Variants in OPCML observed in about 807,000 individuals in gnomAD.
The protein encoded by OPCML is opioid-binding protein/cell adhesion molecule.
OPCML carries 13 observed loss-of-function variants against 37.8 expected under a neutral mutation model. The ratio of observed to expected loss-of-function variants is 0.34; its 90% CI spans 0.22 to 0.55. The LOEUF (loss-of-function observed/expected upper bound fraction) is 0.55. Among genes scored for constraint, OPCML ranks in the 20% least tolerant of loss-of-function variants. The pLI, the probability that OPCML is intolerant of heterozygous loss-of-function variation, is 0.91. For synonymous variants in OPCML, 176 were observed against 168.8 expected (o/e 1.04, Z -0.33); for missense variants, 341 against 435.6 (o/e 0.78, Z 1.93).
At chr11:133,186,882 C>G (rs1187759521) in intron 1 of OPCML, among the ~76,000 whole-genome samples, 1 of 152,022 alleles carries the variant, frequency 6.6e-6, no homozygotes, top group East Asian at 1.9e-4. Flanking sequence ...AGTTAGAATT[C>G]TAAGGATGGT....
chr11:132,436,483 T>A, intron 6 of OPCML, 176 bp downstream of exon 6: 1 of 936,466 alleles, frequency 1.1e-6, no homozygotes, highest in Non-Finnish European at 1.3e-6. Context: ...TTTCTCCACT[T>A]CCCAGCCTCC....
At chr11:133,025,283 C>A (rs542276116) in intron 1 of OPCML, 1 of 964,390 alleles carries the variant, frequency 1.0e-6, no homozygotes, top group Non-Finnish European at 1.2e-6. Flanking sequence ...TGTATCTCCA[C>A]GTACTAGGAC....
At chr11:132,741,455 G>A (rs1036398323) in intron 2 of OPCML, among the ~76,000 whole-genome samples, 5 of 152,158 alleles carry the variant, frequency 3.3e-5, no homozygotes, top group South Asian at 2.1e-4. Flanking sequence ...GTCTGTGCTC[G>A]TGTCCATCAA....
At chr11:133,368,421 C>T (rs1944601127) in intron 1 of OPCML, among the ~76,000 whole-genome samples, 1 of 152,102 alleles carries the variant, frequency 6.6e-6, no homozygotes. Context: ...CCATTAAGGT[C>T]ACAGTGTACC....
At chr11:133,388,644 G>T (rs905985890) in intron 1 of OPCML, among the ~76,000 whole-genome samples, 33 of 152,348 alleles carry the variant, frequency 2.2e-4, no homozygotes, top group African/African-American at 7.5e-4. Context: ...CTTCTAGAGA[G>T]AGTATAATGA....
At chr11:132,908,776 C>T (rs1210818504) in intron 2 of OPCML, among the ~76,000 whole-genome samples, 1 of 152,256 alleles carries the variant, frequency 6.6e-6, no homozygotes, top group East Asian at 1.9e-4. Context: ...TGCACTTTCA[C>T]GTTAATAAGT....
Position 132,648,471 on chromosome 11 carries a change from T to C in OPCML, c.379+8616A>G, listed in dbSNP as rs139427866. On this transcript the variant is annotated intron_variant, in intron 3 of 7. Transcript: ENST00000524381. ...TACGACTGTTCCGTTTATTTAATTC[T>C]ATTGCAAATAAGGCAGATGACAGCC... 1.9e-3 allele frequency among the ~76,000 whole-genome samples: 293 copies of C among 152,110 alleles called. 4 individuals carry two copies. Among genetic ancestry groups the C allele is most frequent in the Admixed American group, 0.016 (241 of 15,292 alleles).
chr11:133,158,712 A>AAAAAAT (rs1555105905), intron 1 of OPCML, among the ~76,000 whole-genome samples: 25 of 134,256 alleles, frequency 1.9e-4, no homozygotes, highest in Middle Eastern at 3.6e-3. Context: ...ATAAAATTAA[A>AAAAAAT]AAAATAAAAT....
chr11:132,993,927 A>G (rs914968791), intron 1 of OPCML, among the ~76,000 whole-genome samples: 3 of 152,232 alleles, frequency 2.0e-5, no homozygotes, highest in South Asian at 2.1e-4. Context: ...CCCTCTAACG[A>G]GTTGAACACA....
At chr11:132,550,816 G>A (rs2096379904) in intron 3 of OPCML, among the ~76,000 whole-genome samples, 1 of 152,168 alleles carries the variant, frequency 6.6e-6, no homozygotes, top group Non-Finnish European at 1.5e-5. Flanking sequence ...TTGTGAACTG[G>A]GTGGATTATG....
intron 1 of OPCML, among the ~76,000 whole-genome samples, chr11:133,441,564 G>A (rs898552162): frequency 1.3e-5 from 2 of 152,092 alleles, no homozygotes; most frequent in African/African-American, 4.8e-5. Flanking sequence ...GGATTAGAGA[G>A]CTAAATATTT....
At chr11:132,885,375 T>C (rs1484471463) in intron 2 of OPCML, among the ~76,000 whole-genome samples, 1 of 152,184 alleles carries the variant, frequency 6.6e-6, no homozygotes, top group Non-Finnish European at 1.5e-5. Context: ...CTGAGTTAAT[T>C]TCTGCCCGTG....
At chr11:133,040,989 G>A (rs558148761) in intron 1 of OPCML, among the ~76,000 whole-genome samples, 19 of 152,174 alleles carry the variant, frequency 1.2e-4, no homozygotes, top group Non-Finnish European at 2.4e-4. Flanking sequence ...AAGCTTTATG[G>A]GGGCTCGGAC....
chr11:133,301,858 T>A (rs1372553531), intron 1 of OPCML: 1 of 152,146 alleles, frequency 6.6e-6, no homozygotes, highest in African/African-American at 2.4e-5. Context: ...GCCAATGACA[T>A]CTTCTGGATC....
At chr11:133,346,409 CA>C (rs1451692578) in intron 1 of OPCML, among the ~76,000 whole-genome samples, 11 of 152,142 alleles carry the variant, frequency 7.2e-5, no homozygotes. Context: ...TTTTTGCTTT[CA>C]AAAGCAGAAG....
rs1946944834 is a variant in OPCML, at chr11:132,999,180, A to AG, written c.62-56171dup. On this transcript the variant is annotated intron_variant, in intron 1 of 7. Coordinates refer to ENST00000524381, the MANE Select transcript of OPCML (RefSeq NM_001012393.5). The stretch of plus-strand genomic sequence containing the variant: ...GCAGGAGCTCTTCTCAGCTCATCAT[A>AG]GGGATGAGCTTTGCCTCTGGAGAAG... 2.0e-5 allele frequency among the ~76,000 whole-genome samples: 3 copies of AG among 152,250 alleles called. No homozygotes were observed. The East Asian group carries it at 5.8e-4, about 30-fold the overall frequency.
chr11:133,192,158 C>T (rs1009516202), intron 1 of OPCML, among the ~76,000 whole-genome samples: 4 of 152,124 alleles, frequency 2.6e-5, no homozygotes, highest in African/African-American at 9.7e-5. Context: ...TGTCTTTGTT[C>T]GTTTAGCAAA....
chr11:133,378,803 G>C (rs759455282), intron 1 of OPCML, among the ~76,000 whole-genome samples: 8 of 151,908 alleles, frequency 5.3e-5, no homozygotes, highest in African/African-American at 1.7e-4. Flanking sequence ...TGCAATCAGA[G>C]GTCATTGCAG....
At chr11:132,484,865 C>T (rs1182931050) in intron 4 of OPCML, among the ~76,000 whole-genome samples, 1 of 152,126 alleles carries the variant, frequency 6.6e-6, no homozygotes, top group Non-Finnish European at 1.5e-5. Context: ...GGGAATTGAA[C>T]AATGAGAACA....
Sources: gnomAD v4.1 joint callset for allele counts (sites outside exome capture counted in the v4.1 genomes callset) on GRCh38, gnomAD v4.1.1 for gene constraint, MANE v1.5 for transcripts, NCBI Gene and HGNC (gene_info 2026-07-23, HGNC 2026-07-21) for gene names.